Variants in PTPRD observed in about 807,000 individuals in gnomAD.
PTPRD encodes the protein receptor-type tyrosine-protein phosphatase delta.
In PTPRD, 34 loss-of-function variants were observed where a neutral mutation model predicts 214.5. The ratio of observed to expected loss-of-function variants is 0.16; its 90% CI spans 0.12 to 0.21. The LOEUF is 0.21. Among genes scored for constraint, PTPRD ranks in the 10% least tolerant of loss-of-function variants. The pLI is 1.00. For missense variants in PTPRD, 2,545 were observed against 2,398.7 expected (o/e 1.06, Z -1.27); for synonymous variants, 1,128 against 845.7 (o/e 1.33, Z -5.79).
intron 9 of PTPRD, among the ~76,000 whole-genome samples, chr9:9,201,027 G>A (rs377518576): frequency 1.1e-4 from 17 of 152,098 alleles, no homozygotes; most frequent in African/African-American, 4.1e-4. Flanking sequence ...AGAATAGCAG[G>A]ACTATTATCA....
chr9:9,817,740 T>C (rs2049244219), intron 5 of PTPRD, among the ~76,000 whole-genome samples: 1 of 152,200 alleles, frequency 6.6e-6, no homozygotes, highest in Admixed American at 6.5e-5. Context: ...AGAGGATAAC[T>C]GTCCTGATAC....
intron 11 of PTPRD, among the ~76,000 whole-genome samples, chr9:8,977,603 A>C (rs1406228134): frequency 6.6e-6 from 1 of 151,922 alleles, no homozygotes; most frequent in East Asian, 1.9e-4. Context: ...ATCCCAAGGA[A>C]ATTTTACTCT....
At chr9:10,095,039 G>C (rs1563763053) in intron 3 of PTPRD, among the ~76,000 whole-genome samples, 3 of 151,146 alleles carry the variant, frequency 2.0e-5, no homozygotes, top group East Asian at 2.0e-4. Flanking sequence ...TAAGGTGTCA[G>C]CATAGAATTT....
chr9:10,482,109 C>T (rs565604070), intron 2 of PTPRD, among the ~76,000 whole-genome samples: 32 of 152,160 alleles, frequency 2.1e-4, no homozygotes, highest in East Asian at 9.7e-4. Flanking sequence ...CGGTGGCTCA[C>T]GCCTGTAATC....
chr9:8,967,132 T>TAA (rs879834633), intron 11 of PTPRD, among the ~76,000 whole-genome samples: 3 of 139,212 alleles, frequency 2.2e-5, no homozygotes, highest in South Asian at 2.3e-4. Flanking sequence ...ATTATTAAAG[T>TAA]AAAAAAAAAA....
rs2138483096 is a variant in PTPRD, at chr9:8,517,975, A to G, written c.1416T>C (p.Ala472=). 6.2e-7 allele frequency: 1 copy of G among 1,614,220 alleles called. No homozygotes were observed. The highest frequency in any genetic ancestry group is 8.5e-7 in the Non-Finnish European group (1 of 1,180,024). Residue 472 remains alanine, a synonymous_variant, in exon 21 of 46, where the codon GCT becomes GCC. Transcript: ENST00000381196. ...TGCCAATAGTAGTGATTTGGCTGTC[A>G]GCTACATTGTGTTTCATCCAGTTGT... ...HVNNWMKHNV[A]DSQITTIGNL...
chr9:9,561,027 G>T (rs949812347), intron 8 of PTPRD, among the ~76,000 whole-genome samples: 1 of 152,142 alleles, frequency 6.6e-6, no homozygotes, highest in Non-Finnish European at 1.5e-5. Context: ...GTCAAGCCAT[G>T]TTGAGCCGAG....
intron 3 of PTPRD, among the ~76,000 whole-genome samples, chr9:10,329,165 T>C (rs1032877147): frequency 2.6e-5 from 4 of 151,798 alleles, no homozygotes; most frequent in Admixed American, 6.6e-5. Flanking sequence ...TTCTTTTTAA[T>C]ATTCCAAAAT....
chr9:10,299,704 A>T (rs1056659090), intron 3 of PTPRD, among the ~76,000 whole-genome samples: 1 of 152,200 alleles, frequency 6.6e-6, no homozygotes, highest in Non-Finnish European at 1.5e-5. Context: ...TACAGGTCAT[A>T]ACAGCTGGTT....
chr9:9,367,344 G>T (rs2058158229), intron 9 of PTPRD, among the ~76,000 whole-genome samples: 1 of 151,382 alleles, frequency 6.6e-6, no homozygotes, highest in Non-Finnish European at 1.5e-5. Context: ...GTAAATAAAA[G>T]GAAAAATATA....
chr9:8,718,001 C>T (rs1565525344), intron 12 of PTPRD, among the ~76,000 whole-genome samples: 1 of 152,086 alleles, frequency 6.6e-6, no homozygotes, highest in Non-Finnish European at 1.5e-5. Context: ...AACTCAAATG[C>T]CTGCAACATA....
chr9:9,249,400 T>A (rs1041512157), intron 9 of PTPRD, among the ~76,000 whole-genome samples: 1 of 152,090 alleles, frequency 6.6e-6, no homozygotes, highest in East Asian at 1.9e-4. Context: ...TTTAGTGCAA[T>A]GCAAACAGAT....
At chr9:9,402,813 A>G (rs2071234810) in intron 8 of PTPRD, among the ~76,000 whole-genome samples, 1 of 151,818 alleles carries the variant, frequency 6.6e-6, no homozygotes, top group South Asian at 2.1e-4. Context: ...AAACCAATAT[A>G]TTAAACACAA....
intron 11 of PTPRD, among the ~76,000 whole-genome samples, chr9:8,812,041 G>A (rs563806969): frequency 3.9e-4 from 60 of 152,290 alleles, no homozygotes; most frequent in African/African-American, 1.3e-3. Flanking sequence ...TACCAGCTGA[G>A]TGGATACTTG....
At chr9:9,676,627 T>C (rs1475209170) in intron 7 of PTPRD, among the ~76,000 whole-genome samples, 3 of 152,154 alleles carry the variant, frequency 2.0e-5, no homozygotes, top group Non-Finnish European at 4.4e-5. Flanking sequence ...TTTATAATCC[T>C]TTGGGTATAT....
At chr9:9,509,273 T>C (rs1169979217) in intron 8 of PTPRD, among the ~76,000 whole-genome samples, 1 of 151,714 alleles carries the variant, frequency 6.6e-6, no homozygotes, top group African/African-American at 2.4e-5. Context: ...AGGTCATTTT[T>C]GGTAACGGAA....
At chr9:10,354,304 C>G (rs1025101348) in intron 2 of PTPRD, among the ~76,000 whole-genome samples, 1 of 152,106 alleles carries the variant, frequency 6.6e-6, no homozygotes, top group African/African-American at 2.4e-5. Flanking sequence ...TTCTATTTAT[C>G]TTTTATCTCT....
chr9:10,181,772 G>GA (rs527849801), intron 3 of PTPRD, among the ~76,000 whole-genome samples: 74 of 141,072 alleles, frequency 5.2e-4, no homozygotes, highest in African/African-American at 8.3e-4. Context: ...TTACATGGAG[G>GA]AAAAAAAAAA....
intron 11 of PTPRD, among the ~76,000 whole-genome samples, chr9:8,912,146 A>C (rs2098752443): frequency 6.6e-6 from 1 of 152,112 alleles, no homozygotes. Context: ...CAGGAATTCC[A>C]CTCTTAGGTG....
Sources: gnomAD v4.1 joint callset for allele counts (sites outside exome capture counted in the v4.1 genomes callset) on GRCh38, gnomAD v4.1.1 for gene constraint, MANE v1.5 for transcripts, NCBI Gene and HGNC (gene_info 2026-07-23, HGNC 2026-07-21) for gene names.